The following MEFV variants were observed in gnomAD, a reference collection of about 807,000 sequenced individuals.
MEFV encodes the protein MEFV innate immunity regulator, pyrin, also known as pyrin.
Under a neutral mutation model 62.5 loss-of-function variants are expected in MEFV, and 60 were observed. That is an observed-to-expected ratio of 0.96 (90% CI 0.78 to 1.19). The LOEUF is 1.19. Ranked by LOEUF, MEFV falls within the 50% of genes most tolerant of loss-of-function variation. MEFV has a pLI of 0.00. For synonymous variants in MEFV, 500 were observed against 415.2 expected, an observed-to-expected ratio of 1.20 and a Z score of -2.48; for missense variants, 1,169 against 1,004.5, an observed-to-expected ratio of 1.16 and a Z score of -2.21.
intron 4 of MEFV, 33 bp downstream of exon 4, chr16:3,248,876 G>T: frequency 6.2e-7 from 1 of 1,613,018 alleles, no homozygotes; most frequent in Non-Finnish European, 8.5e-7. Context: ...TCCTCCCAGG[G>T]ACGGATGGGC....
chr16:3,254,304 G>C lies in MEFV; in HGVS notation c.764C>G (p.Ala255Gly). Residue 255 changes from alanine (A) to glycine (G), a missense_variant, in exon 2 of 10, where the codon GCA becomes GGA. Physicochemically the swap from Ala to Gly is moderately conservative, Grantham distance 60. Transcript: ENST00000219596. Reference sequence around the variant, plus strand: ...TAGAGTCAGGAGAATTTCTGGATTTGCGGGCGCCTTCTCCCCTGTAGAAAT... The same window carrying C: ...TAGAGTCAGGAGAATTTCTGGATTTCCGGGCGCCTTCTCCCCTGTAGAAAT... ...VTISTGEKAPANPEILLTLEE... is the reference protein window; with the variant it reads ...VTISTGEKAPGNPEILLTLEE... The C allele has an allele frequency of 3.7e-6, 6 of 1,614,252 alleles. No individual in the cohort carries two copies. Among genetic ancestry groups the C allele is most frequent in the Non-Finnish European group, 5.1e-6 (6 of 1,180,044 alleles).
intron 2 of MEFV, chr16:3,251,969 C>A (rs1296518881): frequency 4.7e-6 from 2 of 428,096 alleles, no homozygotes; most frequent in South Asian, 1.7e-5. Flanking sequence ...GTAATCCCAG[C>A]AGTTTCGGAG....
chr16:3,243,576 G>A lies in MEFV; in HGVS notation c.1911C>T (p.Asp637=), dbSNP rs746646325. 1.1e-5 allele frequency: 17 copies of A among 1,607,192 alleles called. No individual in the cohort carries two copies. The highest frequency in any genetic ancestry group is 1.7e-4 in the Middle Eastern group (1 of 6,024). The change falls in exon 10 of 10, where the codon GAC becomes GAT. Residue 637 remains aspartate (D), a synonymous_variant. Transcript: ENST00000219596. ...ERLPDGPQRF[D]SCIIVLGSPS... is the part of the protein sequence containing the mutation. ...GAGAGCCCAGAACAATGATACAGCT[G>A]TCAAATCTTTGCGGGCCATCAGGCA...
chr16:3,249,929 C>A, intron 2 of MEFV, 149 bp from the exon 3 acceptor site: 1 of 712,146 alleles, frequency 1.4e-6, no homozygotes, highest in South Asian at 1.7e-5. Flanking sequence ...CCTCCCCCGA[C>A]TTCCATCCAG....
chr16:3,246,922 C>T (rs1026394820), intron 5 of MEFV, 94 bp downstream of exon 5: 2 of 1,231,140 alleles, frequency 1.6e-6, no homozygotes, highest in African/African-American at 1.5e-5. Flanking sequence ...GGGCTTCACC[C>T]ACTTGTTCCA....
At position 3,247,252 on chromosome 16, in the gene MEFV, G is replaced by A. The variant is rs767143302; in HGVS notation, c.1357-6C>T. 1 of 1,613,680 alleles carries A rather than the reference G, an allele frequency of 6.2e-7. No individual in the cohort carries two copies. Among genetic ancestry groups the A allele is most frequent in the Non-Finnish European group, 8.5e-7 (1 of 1,179,918 alleles). On this transcript the variant is annotated splice_polypyrimidine_tract_variant and splice_region_variant and intron_variant, in intron 4 of 9. Transcript: ENST00000219596. Reference sequence around the variant, plus strand: ...TTCAGCGCTTCAGTTTGTTTCTGGGGAGCAGAGGACAGGGAGGTATGGGGG... The same window carrying A: ...TTCAGCGCTTCAGTTTGTTTCTGGGAAGCAGAGGACAGGGAGGTATGGGGG...
rs104895082 is a variant in MEFV at position 3,249,512 on chromosome 16, G to A, written c.1179C>T (p.Pro393=). 42 of 1,614,196 alleles carry A rather than the reference G, an allele frequency of 2.6e-5. No individual in the cohort carries two copies. The Admixed American group carries it at 4.7e-4, about 18-fold the overall frequency. The change falls in exon 3 of 10, where the codon CCC becomes CCT. Residue 393 remains proline, a synonymous_variant. Coordinates refer to ENST00000219596, the MANE Select transcript of MEFV (RefSeq NM_000243.3). ...GACTCAGACTGCAGATGAGGCAGAT[G>A]GGCTCATCGTGATCCTCACAGAAGA... ...QLLFCEDHDE[P]ICLICSLSQE... is the part of the protein sequence containing the mutation.
intron 4 of MEFV, 45 bp downstream of exon 4, chr16:3,248,864 C>A (rs577334029): frequency 5.0e-6 from 8 of 1,612,598 alleles, no homozygotes; most frequent in Non-Finnish European, 6.8e-6. Context: ...CTCTTCCCAC[C>A]TTCCTCCCAG....
At chr16:3,246,315 A>G in intron 6 of MEFV, 1 of 606,738 alleles carries the variant, frequency 1.6e-6, no homozygotes, top group African/African-American at 1.9e-5. Context: ...CCCAGTCTGC[A>G]GCTCCATACC....
At chr16:3,255,517 T>C (rs929800284) in intron 1 of MEFV, among the ~76,000 whole-genome samples, 2 of 151,906 alleles carry the variant, frequency 1.3e-5, no homozygotes, top group African/African-American at 2.4e-5. Context: ...CCTCAGCCTG[T>C]TTTCTGTTTT....
chr16:3,253,514 T>TC (rs1370620414), intron 2 of MEFV, among the ~76,000 whole-genome samples: 1 of 152,012 alleles, frequency 6.6e-6, no homozygotes, highest in African/African-American at 2.4e-5. Context: ...TCTTTTTTTT[T>TC]CCCCCCAAAA....
Position 3,256,448 on chromosome 16 carries a change from C to A in MEFV, c.140G>T (p.Arg47Ile), listed in dbSNP as rs776473244. The change falls in exon 1 of 10, where the codon AGA (arginine) becomes ATA (isoleucine). Residue 47 changes from arginine to isoleucine, a missense_variant. Coordinates refer to ENST00000219596, the MANE Select transcript of MEFV (RefSeq NM_000243.3). ...AGTGGCCATCTTCACCGGCCTGGCT[C>A]TCTGGATCTGGCTCCGGGGGATCCT... Reference protein sequence around the residue: ...HSRIPRSQIQRARPVKMATLL... With the variant: ...HSRIPRSQIQIARPVKMATLL... The A allele has an allele frequency of 6.2e-7, 1 of 1,614,238 alleles. No individual in the cohort carries two copies. Among genetic ancestry groups the A allele is most frequent in the East Asian group, 2.2e-5 (1 of 44,886 alleles).
chr16:3,242,183 T>C lies in MEFV; in HGVS notation c.*958A>G. 1 of 259,150 alleles carries C rather than the reference T, an allele frequency of 3.9e-6. No individual in the cohort carries two copies. The allele number at this position is 259,150 out of a possible 1,614,324, so 16.1% of individuals were successfully genotyped here. A position where few individuals can be genotyped will look rare whatever the true frequency, so the allele number is the denominator to read the frequency against. On this transcript the variant is annotated 3_prime_UTR_variant, in exon 10 of 10. Transcript: ENST00000219596. ...TTTGAGACCGGCCTGGCCAACATGATGAAACCTCATGTCTACTAAAAATGC... is the reference window on the plus strand; with the variant it reads ...TTTGAGACCGGCCTGGCCAACATGACGAAACCTCATGTCTACTAAAAATGC...
At chr16:3,252,180 T>A (rs1253686076) in intron 2 of MEFV, 1 of 180,628 alleles carries the variant, frequency 5.5e-6, no homozygotes, top group Non-Finnish European at 1.2e-5. Context: ...CCTTTCTCAC[T>A]GGAAGACCCA....
intron 5 of MEFV, 75 bp from the exon 6 acceptor site, chr16:3,246,622 G>C (rs1166322083): frequency 3.2e-6 from 5 of 1,559,306 alleles, no homozygotes; most frequent in Non-Finnish European, 4.4e-6. Flanking sequence ...TCTACTTCTG[G>C]GCTCCTGGAC....
intron 2 of MEFV, 141 bp downstream of exon 2, chr16:3,254,016 CA>C: frequency 1.1e-6 from 1 of 903,184 alleles, no homozygotes. Context: ...CTACATTCAC[CA>C]GGCTGGTCTC....
Position 3,256,425 on chromosome 16 carries a change from T to C in MEFV, c.163A>G (p.Thr55Ala). The change falls in exon 1 of 10, where the codon ACT (threonine) becomes GCT (alanine). Residue 55 changes from threonine to alanine, a missense_variant. Thr to Ala is a moderately conservative substitution (Grantham distance 58, BLOSUM62 0). Coordinates refer to ENST00000219596, the MANE Select transcript of MEFV (RefSeq NM_000243.3). Reference sequence around the variant, plus strand: ...TCCCCATAGTAGGTGACCAGCAGAGTGGCCATCTTCACCGGCCTGGCTCTC... The same window carrying C: ...TCCCCATAGTAGGTGACCAGCAGAGCGGCCATCTTCACCGGCCTGGCTCTC... The part of the protein sequence containing the change: ...IQRARPVKMA[T>A]LLVTYYGEEY... The C allele has an allele frequency of 6.2e-7, 1 of 1,614,014 alleles. No homozygotes were observed.
chr16:3,243,125 A>G lies in MEFV; in HGVS notation c.*16T>C. The G allele has an allele frequency of 6.2e-7, 1 of 1,612,110 alleles. No individual in the cohort carries two copies. On this transcript the variant is annotated 3_prime_UTR_variant, in exon 10 of 10. Coordinates refer to ENST00000219596, the MANE Select transcript of MEFV (RefSeq NM_000243.3). Reference sequence around the variant, plus strand: ...TACAAGGCCAGAAGCAGGAAGAGAGATGCAGTGTTGGGCATTCAGTCAGGC... The same window carrying G: ...TACAAGGCCAGAAGCAGGAAGAGAGGTGCAGTGTTGGGCATTCAGTCAGGC...
chr16:3,254,910 G>A, intron 1 of MEFV, 120 bp from the exon 2 acceptor site: 1 of 1,521,638 alleles, frequency 6.6e-7, no homozygotes, highest in Non-Finnish European at 8.9e-7. Context: ...AAAACAACGG[G>A]CCGGGCGCGG....
Sources: gnomAD v4.1 joint callset for allele counts (sites outside exome capture counted in the v4.1 genomes callset) on GRCh38, gnomAD v4.1.1 for gene constraint, MANE v1.5 for transcripts, NCBI Gene and HGNC (gene_info 2026-07-23, HGNC 2026-07-21) for gene names.